The following MFN2 variants were observed in gnomAD, a reference collection of about 807,000 sequenced individuals.
MFN2 encodes the protein mitofusin 2.
MFN2 carries 43 observed loss-of-function variants against 87.5 expected under a neutral mutation model. The ratio of observed to expected loss-of-function variants is 0.49; its 90% CI spans 0.38 to 0.63. MFN2 has a LOEUF of 0.63. MFN2 is among the 30% of genes least tolerant of loss of function. The pLI, the probability that MFN2 is intolerant of heterozygous loss-of-function variation, is 0.00. For synonymous variants in MFN2, 337 were observed against 359.9 expected (o/e 0.94, Z 0.72); for missense variants, 743 against 972.8 (o/e 0.76, Z 3.14).
chr1:12,009,220 AGGGAGAGGGAGC>A (rs527350258), intron 17 of MFN2, among the ~76,000 whole-genome samples: 172 of 151,584 alleles, frequency 1.1e-3, no homozygotes, highest in South Asian at 6.1e-3. Flanking sequence ...CCGTGGGGAG[AGGGAGAGGGAGC>A]GGGAGAGGGA....
intron 17 of MFN2, among the ~76,000 whole-genome samples, chr1:12,007,770 CTTTCTTTTTTTTTT>C (rs1481529679): frequency 6.6e-6 from 1 of 151,528 alleles, no homozygotes; most frequent in Non-Finnish European, 1.5e-5. Flanking sequence ...CTTTTTCTTT[CTTTCTTTTTTTTTT>C]AATTGATCAT....
At chr1:11,988,659 C>A (rs751216689) in intron 2 of MFN2, among the ~76,000 whole-genome samples, 1 of 152,016 alleles carries the variant, frequency 6.6e-6, no homozygotes, top group South Asian at 2.1e-4. Context: ...CCTCAGACTC[C>A]CAAGTAGCTA....
chr1:11,998,479 C>T (rs1036153966), intron 6 of MFN2, among the ~76,000 whole-genome samples: 8 of 151,976 alleles, frequency 5.3e-5, no homozygotes, highest in African/African-American at 1.2e-4. Context: ...ACCTGGGAGG[C>T]GGAGGTTGCA....
chr1:12,005,481 G>C (rs115537395), intron 14 of MFN2, among the ~76,000 whole-genome samples: 1 of 152,210 alleles, frequency 6.6e-6, no homozygotes, highest in Non-Finnish European at 1.5e-5. Flanking sequence ...TTAAGTCCAC[G>C]TGAGGCATAA....
At chr1:12,000,016 G>A (rs1023006175) in intron 8 of MFN2, among the ~76,000 whole-genome samples, 1 of 151,704 alleles carries the variant, frequency 6.6e-6, no homozygotes, top group African/African-American at 2.4e-5. Flanking sequence ...AGAACGGCGT[G>A]AACCCGGGAG....
chr1:12,006,500 A>G lies in MFN2; in HGVS notation c.1717-38A>G, dbSNP rs769149198. ...AGGGTTCACGTGAATGAGAGACTCA[A>G]TACGTCCCCCTCACCCCTCTCATGT... On this transcript the variant is annotated intron_variant, in intron 15 of 18. Coordinates refer to ENST00000235329, the MANE Select transcript of MFN2 (RefSeq NM_014874.4). 5.0e-6 allele frequency: 8 copies of G among 1,612,152 alleles called. No individual in the cohort carries two copies. In the South Asian group the frequency reaches 6.6e-5, roughly 13 times the overall value.
intron 8 of MFN2, among the ~76,000 whole-genome samples, chr1:12,000,281 C>T (rs1267978867): frequency 4.6e-5 from 7 of 151,910 alleles, no homozygotes; most frequent in Non-Finnish European, 7.4e-5. Context: ...CAACCTCCAC[C>T]TCCAGGGTTC....
At chr1:12,008,004 C>T (rs1017551786) in intron 17 of MFN2, among the ~76,000 whole-genome samples, 1 of 152,216 alleles carries the variant, frequency 6.6e-6, no homozygotes, top group East Asian at 1.9e-4. Flanking sequence ...CACCTTGCAC[C>T]GCCCTTAATC....
rs532849669 is a variant in MFN2 at position 12,003,682 on chromosome 1, C to A, written c.1161-310C>A. ...TCCATCTCAAAAAAAAAAAAAAAAT[C>A]ATTTCTGTGATTACTAGTGAGGTTG... is the stretch of plus-strand genomic sequence containing the variant. On this transcript the variant is annotated intron_variant, in intron 11 of 18. Coordinates refer to ENST00000235329, the MANE Select transcript of MFN2 (RefSeq NM_014874.4). The surrounding 1 kb of genome is among the most constrained non-coding windows in gnomAD (Gnocchi z 4.1). Among the ~76,000 whole-genome samples, 20 of 149,078 alleles carry A rather than the reference C, an allele frequency of 1.3e-4. 1 individual carries two copies. The South Asian group carries it at 3.6e-3, about 27-fold the overall frequency.
At chr1:11,994,097 C>G (rs1557520242) in intron 4 of MFN2, among the ~76,000 whole-genome samples, 1 of 152,204 alleles carries the variant, frequency 6.6e-6, no homozygotes, top group Non-Finnish European at 1.5e-5. Flanking sequence ...GTATCTGTTT[C>G]TACCACAGCC....
rs1639285654 is a variant in MFN2 at position 12,003,863 on chromosome 1, CT to C, written c.1161-128del. ...ACCTGGGAAGGGGAAGGCCATGCCC[CT>C]GGGTGCGTGTGTGCAGCCCTGCCAG... On this transcript the variant is annotated intron_variant, in intron 11 of 18. Transcript: ENST00000235329. This position sits in a 1 kb window ranked among gnomAD's most constrained non-coding sequence, Gnocchi z 4.1. 1.6e-6 allele frequency: 2 copies of C among 1,222,990 alleles called. No homozygotes were observed. The highest frequency in any genetic ancestry group is 2.4e-6 in the Non-Finnish European group (2 of 834,102). The allele number at this position is 1,222,990 out of a possible 1,614,324, so 75.8% of individuals were successfully genotyped here.
At chr1:11,997,917 T>C (rs145262223) in intron 6 of MFN2, among the ~76,000 whole-genome samples, 3,511 of 144,666 alleles carry the variant, frequency 0.024, 168 homozygotes, top group African/African-American at 0.087. Flanking sequence ...AGAGTCTTGC[T>C]CTGTCACCCA....
At chr1:11,986,732 A>G (rs538604359) in intron 2 of MFN2, among the ~76,000 whole-genome samples, 1 of 151,978 alleles carries the variant, frequency 6.6e-6, no homozygotes, top group Admixed American at 6.6e-5. Flanking sequence ...CTGGGATTAC[A>G]GGTGCCTGCC....
intron 2 of MFN2, among the ~76,000 whole-genome samples, chr1:11,984,465 G>A (rs1473477992): frequency 2.6e-5 from 4 of 152,180 alleles, no homozygotes; most frequent in Non-Finnish European, 5.9e-5. Context: ...TGTTGCTTGC[G>A]TCATCAACTT....
At position 12,009,667 on chromosome 1, in the gene MFN2, CG is replaced by C. The variant is rs1402057120; in HGVS notation, c.2146del (p.Ala716ProfsTer2). Reference protein sequence around the residue: ...TRENLEQEIAAMNKKIEVLDS... With the variant: ...TRENLEQEIAXMNKKIEVLDS... ...GGGAGAACCTGGAGCAGGAAATTGCCGCCATGAACAAGAAAATTGAGGTTCT... is the reference window on the plus strand; with the variant it reads ...GGGAGAACCTGGAGCAGGAAATTGCCCCATGAACAAGAAAATTGAGGTTCT... On this transcript the variant is annotated frameshift_variant, in exon 18 of 19. Transcript: ENST00000235329. LOFTEE classifies it high-confidence loss of function. The C allele has an allele frequency of 1.2e-6, 2 of 1,614,090 alleles. No individual in the cohort carries two copies. The highest frequency in any genetic ancestry group is 2.2e-5 in the East Asian group (1 of 44,892).
intron 6 of MFN2, among the ~76,000 whole-genome samples, chr1:11,998,031 C>G (rs560943417): frequency 7.9e-4 from 120 of 151,122 alleles, no homozygotes; most frequent in African/African-American, 2.6e-3. Flanking sequence ...TTACAGGTGC[C>G]CGCCACCATG....
At chr1:11,996,803 C>T (rs1158147026) in intron 5 of MFN2, among the ~76,000 whole-genome samples, 2 of 152,034 alleles carry the variant, frequency 1.3e-5, no homozygotes, top group African/African-American at 2.4e-5. Flanking sequence ...TTTGGGAGGC[C>T]GAGGTGGATG....
At chr1:12,000,420 C>G (rs1447492278) in intron 8 of MFN2, among the ~76,000 whole-genome samples, 2 of 152,088 alleles carry the variant, frequency 1.3e-5, no homozygotes, top group Non-Finnish European at 2.9e-5. Flanking sequence ...GAACTCCTGA[C>G]CTTAAGTGAT....
intron 5 of MFN2, among the ~76,000 whole-genome samples, chr1:11,996,629 G>A (rs1638918351): frequency 6.6e-6 from 1 of 152,178 alleles, no homozygotes; most frequent in Non-Finnish European, 1.5e-5. Context: ...TATTGCCAGA[G>A]AGGAATTCCT....
Sources: allele counts gnomAD v4.1 joint callset (sites outside exome capture counted in the v4.1 genomes callset), GRCh38; gene constraint gnomAD v4.1.1; non-coding constraint Gnocchi (gnomAD v3.1); transcripts MANE v1.5; gene names NCBI Gene and HGNC (gene_info 2026-07-23, HGNC 2026-07-21).